ACYP2: variants seen among roughly 807,000 people sequenced by gnomAD.
ACYP2 encodes the protein acylphosphatase 2.
Under a neutral mutation model 11.2 loss-of-function variants are expected in ACYP2, and 12 were observed. The observed-to-expected ratio is 1.08, with a 90% CI of 0.69 to 1.74. The LOEUF (loss-of-function observed/expected upper bound fraction) is 1.74. ACYP2 is among the 40% of genes most tolerant of loss of function. The pLI, the probability that ACYP2 is intolerant of heterozygous loss-of-function variation, is 0.00. For missense variants in ACYP2, 134 were observed against 101.9 expected (o/e 1.31, Z -1.35); for synonymous variants, 43 against 32.2 (o/e 1.33, Z -1.13).
Position 54,070,756 on chromosome 2 carries a change from G to C in ACYP2, c.277+13396G>C, listed in dbSNP as rs574785886. ...CATTTTTTTTTTTTTTTTTGGTGGGGGCAGGGTCTCAGCTCTGTCACCCAG... is the reference window on the plus strand; with the variant it reads ...CATTTTTTTTTTTTTTTTTGGTGGGCGCAGGGTCTCAGCTCTGTCACCCAG... On this transcript the variant is annotated intron_variant, in intron 4 of 6. Coordinates refer to ENST00000607452, the MANE Select transcript of ACYP2 (RefSeq NM_001320586.2). 4.7e-4 allele frequency among the ~76,000 whole-genome samples: 70 copies of C among 149,442 alleles called. 1 individual carries two copies. In the East Asian group the frequency reaches 0.013, roughly 28 times the overall value.
At chr2:54,292,884 A>C (rs899101683) in intron 6 of ACYP2, among the ~76,000 whole-genome samples, 2 of 152,204 alleles carry the variant, frequency 1.3e-5, no homozygotes, top group Non-Finnish European at 2.9e-5. Flanking sequence ...CAACAGGCCC[A>C]ATCTAGATTT....
chr2:54,107,696 C>T (rs1387082828), intron 4 of ACYP2, among the ~76,000 whole-genome samples: 2 of 152,192 alleles, frequency 1.3e-5, no homozygotes, highest in African/African-American at 4.8e-5. Context: ...TCACAAGCAT[C>T]TGGGTTGCTT....
intron 2 of ACYP2, among the ~76,000 whole-genome samples, chr2:54,039,130 G>C (rs1284655940): frequency 2.6e-5 from 4 of 151,608 alleles, no homozygotes; most frequent in Non-Finnish European, 5.9e-5. Context: ...TAGAGGGTGA[G>C]GTTGGGAGAG....
chr2:53,976,672 T>C (rs567666697), intron 2 of ACYP2, among the ~76,000 whole-genome samples: 27 of 152,360 alleles, frequency 1.8e-4, no homozygotes, highest in Admixed American at 1.6e-3. Flanking sequence ...TGTTGAGTTT[T>C]TTCTAGTTCC....
At chr2:54,010,516 C>G (rs946205184) in intron 2 of ACYP2, among the ~76,000 whole-genome samples, 8 of 151,580 alleles carry the variant, frequency 5.3e-5, no homozygotes, top group African/African-American at 1.9e-4. Flanking sequence ...ACCATTTACC[C>G]TGATGGGATT....
At chr2:54,110,845 T>A (rs1041164172) in intron 4 of ACYP2, among the ~76,000 whole-genome samples, 2 of 151,970 alleles carry the variant, frequency 1.3e-5, no homozygotes, top group African/African-American at 4.8e-5. Flanking sequence ...GAAAGACACG[T>A]TGACCGATAC....
chr2:54,088,939 G>T (rs1014324122), intron 4 of ACYP2, among the ~76,000 whole-genome samples: 9 of 152,140 alleles, frequency 5.9e-5, no homozygotes, highest in African/African-American at 1.2e-4. Context: ...GCCCACAATT[G>T]CATGTTCAAC....
At chr2:54,218,120 T>C (rs1685633670) in intron 6 of ACYP2, among the ~76,000 whole-genome samples, 1 of 152,222 alleles carries the variant, frequency 6.6e-6, no homozygotes. Context: ...GTGTACCTTC[T>C]GCATGAAAAA....
intron 6 of ACYP2, among the ~76,000 whole-genome samples, chr2:54,257,387 T>A (rs1687604426): frequency 6.6e-6 from 1 of 152,130 alleles, no homozygotes; most frequent in African/African-American, 2.4e-5. Context: ...CATGCATAGG[T>A]TTTTAAATGT....
At chr2:54,029,919 A>G (rs1036066990) in intron 2 of ACYP2, 2 of 274,654 alleles carry the variant, frequency 7.3e-6, no homozygotes, top group East Asian at 1.8e-4. Context: ...GCCCGCCAAT[A>G]ATGAGAAGCA....
At chr2:54,024,671 C>T (rs1332242431) in intron 2 of ACYP2, among the ~76,000 whole-genome samples, 2 of 152,188 alleles carry the variant, frequency 1.3e-5, no homozygotes, top group Non-Finnish European at 2.9e-5. Flanking sequence ...CCCCTGAAAA[C>T]TGGAACAAAA....
chr2:54,096,234 G>A (rs1281047671), intron 4 of ACYP2, among the ~76,000 whole-genome samples: 3 of 148,424 alleles, frequency 2.0e-5, no homozygotes, highest in Admixed American at 6.7e-5. Context: ...CCTCCCAGAC[G>A]GGGCGGCGGA....
chr2:54,290,651 T>G (rs1689262313), intron 6 of ACYP2, among the ~76,000 whole-genome samples: 1 of 152,152 alleles, frequency 6.6e-6, no homozygotes, highest in African/African-American at 2.4e-5. Context: ...CTAGATTATC[T>G]AGTAGTTCTC....
intron 6 of ACYP2, among the ~76,000 whole-genome samples, chr2:54,196,279 C>T (rs1321142004): frequency 1.3e-5 from 2 of 152,150 alleles, no homozygotes; most frequent in African/African-American, 2.4e-5. Context: ...TCACTGAAAC[C>T]TCCGCTCACT....
intron 6 of ACYP2, among the ~76,000 whole-genome samples, chr2:54,194,336 AG>A (rs1186132713): frequency 6.6e-6 from 1 of 152,088 alleles, no homozygotes; most frequent in African/African-American, 2.4e-5. Context: ...CACCGCGCCC[AG>A]CCCCCATCAA....
At chr2:54,055,001 A>G (rs1312822713) in intron 3 of ACYP2, among the ~76,000 whole-genome samples, 1 of 152,114 alleles carries the variant, frequency 6.6e-6, no homozygotes, top group African/African-American at 2.4e-5. Flanking sequence ...TTCCTCATAT[A>G]AAAAAGAGCT....
chr2:54,051,479 G>A (rs980637514), intron 3 of ACYP2: 3 of 695,080 alleles, frequency 4.3e-6, no homozygotes, highest in Admixed American at 2.2e-5. Flanking sequence ...GAGGATCCCA[G>A]TGCACCCAAG....
intron 6 of ACYP2, among the ~76,000 whole-genome samples, chr2:54,250,487 G>A (rs1214790307): frequency 1.3e-5 from 2 of 151,692 alleles, no homozygotes; most frequent in African/African-American, 4.9e-5. Flanking sequence ...TGGGGGGGGC[G>A]TTGAAAGTAT....
intron 6 of ACYP2, among the ~76,000 whole-genome samples, chr2:54,287,512 G>C (rs929679039): frequency 2.0e-5 from 3 of 152,026 alleles, no homozygotes; most frequent in African/African-American, 4.8e-5. Context: ...CATAGAATGT[G>C]TTAGAGGTGA....
Sources: gnomAD v4.1 joint callset for allele counts (sites outside exome capture counted in the v4.1 genomes callset) on GRCh38, gnomAD v4.1.1 for gene constraint, MANE v1.5 for transcripts, NCBI Gene and HGNC (gene_info 2026-07-23, HGNC 2026-07-21) for gene names.